CHST11: variants seen among roughly 807,000 people sequenced by gnomAD.
CHST11 encodes the protein carbohydrate sulfotransferase 11.
Under a neutral mutation model 30.4 loss-of-function variants are expected in CHST11, and 9 were observed. The observed-to-expected ratio is 0.30, with a 90% confidence interval of 0.18 to 0.52. The LOEUF (loss-of-function observed/expected upper bound fraction) is 0.52. CHST11 is among the 20% of genes least tolerant of loss of function. The probability of loss-of-function intolerance (pLI) is 0.97; values close to 1 mark genes in which losing one functional copy is unlikely to be tolerated. For missense variants in CHST11, 348 were observed against 460.6 expected (o/e 0.76, Z 2.24); for synonymous variants, 152 against 187.8 (o/e 0.81, Z 1.56).
chr12:104,741,387 C>G (rs2040345659), intron 2 of CHST11, among the ~76,000 whole-genome samples: 1 of 152,166 alleles, frequency 6.6e-6, no homozygotes, highest in Non-Finnish European at 1.5e-5. Context: ...ATGCAACATG[C>G]AGAAACGAAA....
At position 104,553,568 on chromosome 12, in the gene CHST11, C is replaced by CGAGAGAGAGAGAGAGA. The variant is rs3039120; in HGVS notation, c.119-48320_119-48305dup. On this transcript the variant is annotated intron_variant, in intron 1 of 2. Transcript: ENST00000303694. ...CAAGCAAATCTTCACATGGTGTCAG[C>CGAGAGAGAGAGAGAGA]GAGAGAGAGAGAGAGAGAGAGAGAG... is the stretch of plus-strand genomic sequence containing the variant. 370 of 140,184 alleles carry CGAGAGAGAGAGAGAGA rather than the reference C, an allele frequency of 2.6e-3. 12 individuals are homozygous for CGAGAGAGAGAGAGAGA. The highest frequency in any genetic ancestry group is 9.5e-3 in the African/African-American group (335 of 35,294). 8.7% of individuals were successfully genotyped at this position (140,184 alleles called of 1,614,324 possible).
intron 1 of CHST11, among the ~76,000 whole-genome samples, chr12:104,534,831 G>A (rs1057173659): frequency 5.9e-5 from 9 of 152,206 alleles, no homozygotes; most frequent in Non-Finnish European, 1.2e-4. Flanking sequence ...GCACCAGAAT[G>A]TAAGGGCTAG....
rs116626700 is a variant in CHST11, at chr12:104,684,984, C to T, written c.205-71965C>T. Among the ~76,000 whole-genome samples the T allele has an allele frequency of 7.8e-3, 1,189 of 152,330 alleles. 15 individuals are homozygous for T. The highest frequency in any genetic ancestry group is 0.064 in the East Asian group (333 of 5,190). ...TTATGATTAAAGTGCAAGAGTAAGTCAAAATCTTAGTAAACTCTATGATCA... is the reference window on the plus strand; with the variant it reads ...TTATGATTAAAGTGCAAGAGTAAGTTAAAATCTTAGTAAACTCTATGATCA... On this transcript the variant is annotated intron_variant, in intron 2 of 2. Coordinates refer to ENST00000303694, the MANE Select transcript of CHST11 (RefSeq NM_018413.6).
chr12:104,494,318 G>T (rs1208305738), intron 1 of CHST11, among the ~76,000 whole-genome samples: 1 of 152,194 alleles, frequency 6.6e-6, no homozygotes, highest in African/African-American at 2.4e-5. Flanking sequence ...TCTGGCCTTG[G>T]CCTCTTAGTG....
At chr12:104,560,216 T>C (rs552353178) in intron 1 of CHST11, among the ~76,000 whole-genome samples, 2 of 152,318 alleles carry the variant, frequency 1.3e-5, no homozygotes, top group East Asian at 3.8e-4. Context: ...TAATCCAGGT[T>C]AGTATTGACC....
At chr12:104,732,297 G>A (rs964864820) in intron 2 of CHST11, among the ~76,000 whole-genome samples, 4 of 152,192 alleles carry the variant, frequency 2.6e-5, no homozygotes, top group East Asian at 1.9e-4. Context: ...TCCCAAAGAC[G>A]TGGGTGCCTC....
chr12:104,674,844 C>T (rs903664556), intron 2 of CHST11, among the ~76,000 whole-genome samples: 3 of 152,030 alleles, frequency 2.0e-5, no homozygotes, highest in African/African-American at 4.8e-5. Context: ...TCTTTCAAAC[C>T]CAGATACTGT....
chr12:104,733,433 G>T (rs775704828), intron 2 of CHST11, among the ~76,000 whole-genome samples: 2 of 152,216 alleles, frequency 1.3e-5, no homozygotes, highest in Non-Finnish European at 2.9e-5. Context: ...AACCCAGCAA[G>T]TTCCCCCGTG....
intron 2 of CHST11, among the ~76,000 whole-genome samples, chr12:104,747,609 A>C (rs369692174): frequency 1.3e-5 from 2 of 152,092 alleles, no homozygotes; most frequent in Non-Finnish European, 2.9e-5. Flanking sequence ...CCCTCCCCCA[A>C]TTCTGAAACA....
rs978899377 is a variant in CHST11, at chr12:104,472,994, AG to A, written c.118+15467del. On this transcript the variant is annotated intron_variant, in intron 1 of 2. Coordinates refer to ENST00000303694, the MANE Select transcript of CHST11 (RefSeq NM_018413.6). Reference sequence around the variant, plus strand: ...GGAATACGGGAGCCCAGGGGTGGAGAGGTGAACCTGGATGGCTCTGAATGCT... The same window carrying A: ...GGAATACGGGAGCCCAGGGGTGGAGAGTGAACCTGGATGGCTCTGAATGCT... 1.1e-4 allele frequency among the ~76,000 whole-genome samples: 17 copies of A among 152,188 alleles called. No individual in the cohort carries two copies. The East Asian group carries it at 1.7e-3, about 16-fold the overall frequency.
At chr12:104,593,964 C>T (rs1357123316) in intron 1 of CHST11, among the ~76,000 whole-genome samples, 1 of 152,200 alleles carries the variant, frequency 6.6e-6, no homozygotes, top group Non-Finnish European at 1.5e-5. Flanking sequence ...AAGAATTTTT[C>T]AGGAGAGAAC....
At chr12:104,521,790 T>C (rs899939200) in intron 1 of CHST11, among the ~76,000 whole-genome samples, 13 of 152,354 alleles carry the variant, frequency 8.5e-5, no homozygotes, top group South Asian at 4.1e-4. Flanking sequence ...ACTGTTTGAT[T>C]GAAATGGGCC....
At chr12:104,485,233 G>T (rs1163927063) in intron 1 of CHST11, among the ~76,000 whole-genome samples, 1 of 152,204 alleles carries the variant, frequency 6.6e-6, no homozygotes, top group Non-Finnish European at 1.5e-5. Context: ...CGATTCTGCT[G>T]CAGGAGGTTC....
chr12:104,639,171 T>A (rs1302690386), intron 2 of CHST11, among the ~76,000 whole-genome samples: 1 of 152,204 alleles, frequency 6.6e-6, no homozygotes, highest in Non-Finnish European at 1.5e-5. Flanking sequence ...TGCTTTGAAA[T>A]TCAGGTCTGG....
intron 1 of CHST11, among the ~76,000 whole-genome samples, chr12:104,515,248 C>T (rs771167703): frequency 2.6e-5 from 4 of 152,228 alleles, no homozygotes; most frequent in Non-Finnish European, 4.4e-5. Context: ...GGCGTACTTT[C>T]TGTGCCACTT....
At chr12:104,501,621 A>C (rs2037854961) in intron 1 of CHST11, among the ~76,000 whole-genome samples, 1 of 152,172 alleles carries the variant, frequency 6.6e-6, no homozygotes, top group South Asian at 2.1e-4. Context: ...GGCATTTGTG[A>C]TTATTAAATT....
At chr12:104,731,281 A>T (rs1397417786) in intron 2 of CHST11, among the ~76,000 whole-genome samples, 1 of 152,200 alleles carries the variant, frequency 6.6e-6, no homozygotes, top group Non-Finnish European at 1.5e-5. Flanking sequence ...CAGCCCGAAC[A>T]GGGACACTCC....
At chr12:104,619,832 T>C (rs1045284107) in intron 2 of CHST11, among the ~76,000 whole-genome samples, 2 of 152,126 alleles carry the variant, frequency 1.3e-5, no homozygotes, top group East Asian at 3.9e-4. Flanking sequence ...AAGCCCATGG[T>C]TTTTGCAGAT....
chr12:104,723,901 G>A (rs980155017), intron 2 of CHST11, among the ~76,000 whole-genome samples: 3 of 152,214 alleles, frequency 2.0e-5, no homozygotes, highest in African/African-American at 7.2e-5. Context: ...AGCCTTGAGG[G>A]TTCATACTGG....
Sources: gnomAD v4.1 joint callset for allele counts (sites outside exome capture counted in the v4.1 genomes callset) on GRCh38, gnomAD v4.1.1 for gene constraint, MANE v1.5 for transcripts, NCBI Gene and HGNC (gene_info 2026-07-23, HGNC 2026-07-21) for gene names.